MGAM: variants seen among roughly 807,000 people sequenced by gnomAD.
MGAM encodes alpha-1,4-glucosidase.
MGAM carries 253 observed loss-of-function variants against 358.8 expected under a neutral mutation model. That is an observed-to-expected ratio of 0.71 (90% confidence interval 0.64 to 0.78). MGAM has a LOEUF of 0.78. Ranked by LOEUF, MGAM falls within the 30% of genes least tolerant of loss-of-function variation. The probability of loss-of-function intolerance (pLI) is 0.00; values close to 1 mark genes in which losing one functional copy is unlikely to be tolerated. For synonymous variants in MGAM, 1,105 were observed against 1,227.1 expected, an observed-to-expected ratio of 0.90 and a Z score of 2.08; for missense variants, 3,080 against 3,432.6, an observed-to-expected ratio of 0.90 and a Z score of 2.57.
At position 142,081,543 on chromosome 7, in the gene MGAM, G is replaced by A. The variant is rs974992799; in HGVS notation, c.6003-499G>A. 7.5e-5 allele frequency among the ~76,000 whole-genome samples: 11 copies of A among 145,986 alleles called. 1 individual carries two copies. Among genetic ancestry groups the A allele is most frequent in the Admixed American group, 2.8e-4 (4 of 14,500 alleles). ...AAAGAAAAGAAGTCTAGTGTGGTTG[G>A]AGCAATGGAGGAAGTAAGCAGGTGA... On this transcript the variant is annotated intron_variant, in intron 50 of 70. Transcript: ENST00000475668.
In MGAM at chr7:142,082,623, A is replaced by T. The variant is rs1398404076; in HGVS notation, c.6268+52A>T. The T allele has an allele frequency of 2.4e-5, 32 of 1,324,822 alleles. 6 individuals are homozygous for T. Among genetic ancestry groups the T allele is most frequent in the Non-Finnish European group, 3.2e-5 (31 of 954,040 alleles). 82.1% of individuals were successfully genotyped at this position (1,324,822 alleles called of 1,614,324 possible). On this transcript the variant is annotated intron_variant, in intron 52 of 70. Coordinates refer to ENST00000475668, the MANE Select transcript of MGAM (RefSeq NM_001365693.1). ...TTTGGGGGGATACCAGTCATGCCTG[A>T]GTCAGTTTAGAATGTGTTTAGCCTA...
In MGAM at chr7:142,056,842, A is replaced by C; in HGVS notation, c.3593A>C (p.Gln1198Pro). 1 of 1,613,830 alleles carries C rather than the reference A, an allele frequency of 6.2e-7. No individual in the cohort carries two copies. Among genetic ancestry groups the C allele is most frequent in the Non-Finnish European group, 8.5e-7 (1 of 1,179,824 alleles). Residue 1198 changes from glutamine to proline, a missense_variant, in exon 30 of 71, where the codon CAG (glutamine) becomes CCG (proline). By Grantham distance (76) the Gln-to-Pro change is moderately conservative. Transcript: ENST00000475668. ...TCTTTATTTTCAGATGTGACGTTCC[A>C]GCCCCTGCCTGCCTTGACATACCGC... ...LNSNAMDVTFQPLPALTYRTT... is the reference protein window; with the variant it reads ...LNSNAMDVTFPPLPALTYRTT...
Position 142,095,552 on chromosome 7 carries a change from C to T in MGAM, c.7459-13C>T. Reference sequence around the variant, plus strand: ...CAGGGCAAGCTCCCAACACTGTTCTCTTTCTCCTTTAGAGACAAGACCCTG... The same window carrying T: ...CAGGGCAAGCTCCCAACACTGTTCTTTTTCTCCTTTAGAGACAAGACCCTG... On this transcript the variant is annotated splice_polypyrimidine_tract_variant and intron_variant, in intron 63 of 70. Transcript: ENST00000475668. 1 of 1,612,728 alleles carries T rather than the reference C, an allele frequency of 6.2e-7. No individual in the cohort carries two copies. Among genetic ancestry groups the T allele is most frequent in the Non-Finnish European group, 8.5e-7 (1 of 1,179,720 alleles).
Position 142,055,639 on chromosome 7 carries a change from T to C in MGAM, c.3396T>C (p.Tyr1132=), listed in dbSNP as rs374395598. The C allele has an allele frequency of 1.2e-4, 197 of 1,613,952 alleles. 4 individuals are homozygous for C. The South Asian group carries it at 2.1e-3, about 17-fold the overall frequency. ...ISTRLPSKYL[Y]GFGETEHRSY... ...CCCGCCTTCCCTCCAAGTACCTCTA[T>C]GGCTTTGGGGAAACTGAGCACAGGT... is the stretch of plus-strand genomic sequence containing the variant. The change falls in exon 28 of 71, where the codon TAT becomes TAC. Residue 1132 remains tyrosine, a synonymous_variant. Coordinates refer to ENST00000475668, the MANE Select transcript of MGAM (RefSeq NM_001365693.1).
At chr7:142,009,849 T>C (rs1170661587) in intron 3 of MGAM, among the ~76,000 whole-genome samples, 1 of 152,134 alleles carries the variant, frequency 6.6e-6, no homozygotes, top group Non-Finnish European at 1.5e-5. Flanking sequence ...CAGATTGTTG[T>C]TGAGAGCTGA....
rs1449096941 is a variant in MGAM, at chr7:142,078,888, T to G, written c.5727T>G (p.His1909Gln). The change falls in exon 49 of 71, where the codon CAT (histidine) becomes CAG (glutamine). Residue 1909 changes from histidine to glutamine, a missense_variant. Transcript: ENST00000475668. ...TCAGTGATGTTCAGTATAACTCCCA[T>G]GGGGCCACAGCTGACATCTCCTTAA... ...YSVSDVQYNS[H>Q]GATADISLKS... 1.9e-6 allele frequency: 3 copies of G among 1,555,342 alleles called. No individual in the cohort carries two copies. Among genetic ancestry groups the G allele is most frequent in the Admixed American group, 1.7e-5 (1 of 58,366 alleles).
At chr7:142,031,858 T>C in intron 13 of MGAM, 65 bp downstream of exon 13, 2 of 1,145,128 alleles carry the variant, frequency 1.7e-6, no homozygotes, top group South Asian at 2.5e-5. Flanking sequence ...TGTATCTGTA[T>C]CTTTGAGTCA....
At chr7:142,027,492 A>G (rs914949409) in intron 9 of MGAM, 118 bp from the exon 10 acceptor site, 156 of 1,161,218 alleles carry the variant, frequency 1.3e-4, no homozygotes, top group Non-Finnish European at 1.8e-4. Context: ...ACATTCTAAC[A>G]TTAATGAATC....
intron 17 of MGAM, 150 bp downstream of exon 17, chr7:142,036,435 C>A: frequency 1.5e-6 from 1 of 667,760 alleles, no homozygotes; most frequent in Non-Finnish European, 2.6e-6. Flanking sequence ...TAACCAGAAT[C>A]TGTGCTGTAT....
upstream of MGAM, among the ~76,000 whole-genome samples, chr7:141,991,585 C>A (rs1049404454): frequency 5.3e-5 from 8 of 151,902 alleles, no homozygotes; most frequent in Non-Finnish European, 2.9e-5. Context: ...TATAGGCACG[C>A]GCTACCATGC....
chr7:142,060,666 G>T (rs1247087027), intron 34 of MGAM, among the ~76,000 whole-genome samples: 32 of 152,258 alleles, frequency 2.1e-4, no homozygotes, highest in African/African-American at 7.7e-4. Context: ...AAGGCTGTCA[G>T]ATTCCAAAGG....
rs1355450931 is a variant in MGAM, at chr7:142,043,680, ACTAT to A, written c.2498+2838_2498+2841del. Among the ~76,000 whole-genome samples, 28 of 137,268 alleles carry A rather than the reference ACTAT, an allele frequency of 2.0e-4. 1 individual carries two copies. The East Asian group carries it at 4.1e-3, about 20-fold the overall frequency. 90.1% of individuals were successfully genotyped at this position (137,268 alleles called of 152,430 possible). A position where few individuals can be genotyped will look rare whatever the true frequency, so the allele number is the denominator to read the frequency against. On this transcript the variant is annotated intron_variant, in intron 21 of 70. Transcript: ENST00000475668. ...TAATACATATATTATATATACATAT[ACTAT>A]CTAATATATAATACATATATTATAT...
intron 3 of MGAM, among the ~76,000 whole-genome samples, chr7:142,015,600 C>T (rs566528193): frequency 1.3e-5 from 2 of 151,710 alleles, no homozygotes; most frequent in African/African-American, 4.8e-5. Context: ...AATATTTTGT[C>T]TGGAAGTAAT....
At position 142,030,395 on chromosome 7, in the gene MGAM, G is replaced by T; in HGVS notation, c.1255G>T (p.Glu419Ter). The stretch of plus-strand genomic sequence containing the variant: ...GCATGCTGATATTGATTATATGGAT[G>T]AGAGAAGGGACTTCACTTATGATTC... Reference protein sequence around the residue: ...VQHADIDYMDERRDFTYDSVD... With the variant: ...VQHADIDYMD The change falls in exon 11 of 71, where the codon GAG becomes TAG. Residue 419 changes from glutamate to a stop codon, truncating the protein, a stop_gained. Transcript: ENST00000475668. LOFTEE classifies it high-confidence loss of function. 6.2e-7 allele frequency: 1 copy of T among 1,613,374 alleles called. No homozygotes were observed. The highest frequency in any genetic ancestry group is 1.1e-5 in the South Asian group (1 of 91,034).
chr7:142,014,525 T>A (rs2128990208), intron 3 of MGAM, among the ~76,000 whole-genome samples: 1 of 152,256 alleles, frequency 6.6e-6, no homozygotes, highest in South Asian at 2.1e-4. Context: ...CAAAAATATA[T>A]AACCATTATC....
At position 142,042,456 on chromosome 7, in the gene MGAM, CAT is replaced by C. The variant is rs1346397849; in HGVS notation, c.2498+1614_2498+1615del. On this transcript the variant is annotated intron_variant, in intron 21 of 70. Coordinates refer to ENST00000475668, the MANE Select transcript of MGAM (RefSeq NM_001365693.1). Reference sequence around the variant, plus strand: ...ATATAACATATAATATATAATATAACATATAATATATAATATATAATATATAT... The same window carrying C: ...ATATAACATATAATATATAATATAACATAATATATAATATATAATATATAT... Among the ~76,000 whole-genome samples, 5 of 16,466 alleles carry C rather than the reference CAT, an allele frequency of 3.0e-4. 2 individuals carry two copies. Among genetic ancestry groups the C allele is most frequent in the East Asian group, 4.8e-3 (2 of 420 alleles). 10.8% of individuals were successfully genotyped at this position (16,466 alleles called of 152,430 possible). A position where few individuals can be genotyped will look rare whatever the true frequency, so the allele number is the denominator to read the frequency against.
intron 66 of MGAM, 50 bp from the exon 67 acceptor site, chr7:142,099,563 G>A (rs772320317): frequency 1.2e-6 from 2 of 1,613,406 alleles, no homozygotes; most frequent in Non-Finnish European, 1.7e-6. Context: ...CATTGTTCAG[G>A]GAGGGGCCTG....
At chr7:142,031,563 A>G in intron 12 of MGAM, 117 bp from the exon 13 acceptor site, 2 of 640,166 alleles carry the variant, frequency 3.1e-6, no homozygotes, top group South Asian at 2.2e-5. Context: ...TAAAAAGGAT[A>G]TGTTCCTGGG....
At chr7:141,994,197 G>T (rs1264411830), upstream of MGAM, among the ~76,000 whole-genome samples, 63 of 152,158 alleles carry the variant, frequency 4.1e-4, no homozygotes, top group Admixed American at 4.1e-3. Context: ...TCTAAGAGGG[G>T]TTTATAAGCA....
Sources: allele counts gnomAD v4.1 joint callset (sites outside exome capture counted in the v4.1 genomes callset), GRCh38; gene constraint gnomAD v4.1.1; transcripts MANE v1.5; gene names NCBI Gene and HGNC (gene_info 2026-07-23, HGNC 2026-07-21).